PKHD1: variants seen among roughly 807,000 people sequenced by gnomAD.
The protein encoded by PKHD1 is fibrocystin.
A neutral mutation model predicts 412.0 loss-of-function variants in PKHD1; 291 were observed. The observed-to-expected ratio is 0.71, with a 90% CI of 0.64 to 0.78. The LOEUF (loss-of-function observed/expected upper bound fraction) is 0.78. Ranked by LOEUF, PKHD1 falls within the 30% of genes least tolerant of loss-of-function variation. The pLI is 0.00. For missense variants in PKHD1, 4,825 were observed against 4,950.7 expected, an observed-to-expected ratio of 0.97 and a Z score of 0.76; for synonymous variants, 1,777 against 1,821.5, an observed-to-expected ratio of 0.98 and a Z score of 0.62.
At chr6:52,033,680 G>C (rs373157693) in intron 28 of PKHD1, among the ~76,000 whole-genome samples, 1 of 151,598 alleles carries the variant, frequency 6.6e-6, no homozygotes, top group African/African-American at 2.4e-5. Flanking sequence ...GACTACTCAA[G>C]AAAGCAATCA....
intron 30 of PKHD1, 99 bp from the exon 31 acceptor site, chr6:52,027,995 T>C: frequency 8.6e-7 from 1 of 1,163,686 alleles, no homozygotes; most frequent in East Asian, 2.3e-5. Context: ...AAGAGCAAAC[T>C]GTCTGTAAGT....
At chr6:51,737,533 G>A (rs1784006321) in intron 60 of PKHD1, among the ~76,000 whole-genome samples, 1 of 152,108 alleles carries the variant, frequency 6.6e-6, no homozygotes. Flanking sequence ...AAGCAAGTAT[G>A]TTTATATCTG....
chr6:51,745,999 T>C (rs1785143332), intron 59 of PKHD1, among the ~76,000 whole-genome samples: 1 of 145,878 alleles, frequency 6.9e-6, no homozygotes, highest in African/African-American at 2.6e-5. Flanking sequence ...GTTTTTTGCT[T>C]TGTTTTTTTT....
intron 60 of PKHD1, among the ~76,000 whole-genome samples, chr6:51,695,733 T>C (rs952763199): frequency 1.3e-5 from 2 of 152,234 alleles, no homozygotes; most frequent in African/African-American, 4.8e-5. Flanking sequence ...CATGGATATA[T>C]GTGAATATCT....
At chr6:51,909,100 A>G (rs1376367557) in intron 40 of PKHD1, among the ~76,000 whole-genome samples, 183 bp downstream of exon 40, 1 of 152,172 alleles carries the variant, frequency 6.6e-6, no homozygotes, top group Non-Finnish European at 1.5e-5. Flanking sequence ...CTGAATTTTA[A>G]TAAGCTCCAC....
chr6:51,778,149 T>A (rs1393128239), intron 53 of PKHD1, among the ~76,000 whole-genome samples: 1 of 152,072 alleles, frequency 6.6e-6, no homozygotes, highest in Non-Finnish European at 1.5e-5. Context: ...GGTGAGGTGC[T>A]CTCTCCAGCG....
chr6:51,985,905 T>C (rs1796152530), intron 35 of PKHD1, among the ~76,000 whole-genome samples: 1 of 152,186 alleles, frequency 6.6e-6, no homozygotes, highest in South Asian at 2.1e-4. Context: ...TTTCTAGAAG[T>C]TATACAATGG....
chr6:51,998,186 G>C (rs139850358), intron 35 of PKHD1, among the ~76,000 whole-genome samples: 1 of 151,802 alleles, frequency 6.6e-6, no homozygotes, highest in South Asian at 2.1e-4. Context: ...TGTTGAGGAC[G>C]TATGTTCAGC....
intron 29 of PKHD1, among the ~76,000 whole-genome samples, chr6:52,031,647 C>T (rs1803047927): frequency 6.6e-6 from 1 of 152,176 alleles, no homozygotes. Context: ...CAGCACTCCC[C>T]ATCCTTGGTC....
intron 64 of PKHD1, among the ~76,000 whole-genome samples, chr6:51,635,861 G>T (rs1156992827): frequency 8.3e-6 from 1 of 119,992 alleles, no homozygotes; most frequent in Admixed American, 8.1e-5. Flanking sequence ...GTGAAGGTGG[G>T]GGGGGGCGGG....
chr6:51,806,391 T>C (rs1178797549), intron 52 of PKHD1, among the ~76,000 whole-genome samples: 2 of 152,104 alleles, frequency 1.3e-5, no homozygotes, highest in Non-Finnish European at 2.9e-5. Context: ...GAGTGGAAGA[T>C]GGTGCCATGT....
At chr6:51,868,158 A>G (rs1470592199) in intron 47 of PKHD1, 49 bp from the exon 48 acceptor site, 1 of 1,442,762 alleles carries the variant, frequency 6.9e-7, no homozygotes, top group Non-Finnish European at 9.8e-7. Context: ...ACAAATAGCA[A>G]CTAAATTCAC....
chr6:51,749,221 A>G (rs1301187936), intron 57 of PKHD1, among the ~76,000 whole-genome samples: 2 of 152,226 alleles, frequency 1.3e-5, no homozygotes, highest in African/African-American at 4.8e-5. Flanking sequence ...AAAACATGGT[A>G]GGAGCAATAA....
At chr6:51,932,838 T>C (rs544725984) in intron 37 of PKHD1, among the ~76,000 whole-genome samples, 2 of 152,282 alleles carry the variant, frequency 1.3e-5, no homozygotes, top group East Asian at 3.9e-4. Flanking sequence ...CTTGCTTCCT[T>C]TCATAGTAAG....
intron 36 of PKHD1, among the ~76,000 whole-genome samples, chr6:51,949,235 C>G (rs899512829): frequency 1.3e-5 from 2 of 152,126 alleles, no homozygotes; most frequent in African/African-American, 4.8e-5. Context: ...AATTTAGCAG[C>G]CTATATATTC....
intron 62 of PKHD1, 145 bp from the exon 63 acceptor site, chr6:51,648,263 C>T: frequency 1.6e-6 from 1 of 614,284 alleles, no homozygotes; most frequent in Non-Finnish European, 2.9e-6. Flanking sequence ...AAATAAATGT[C>T]TTTCTCATGT....
At chr6:51,963,366 T>C (rs1473246396) in intron 35 of PKHD1, among the ~76,000 whole-genome samples, 1 of 152,154 alleles carries the variant, frequency 6.6e-6, no homozygotes, top group East Asian at 1.9e-4. Flanking sequence ...TAAGTTTCCT[T>C]GTGCCCTGAA....
At chr6:51,635,654 A>G (rs944621119) in intron 64 of PKHD1, among the ~76,000 whole-genome samples, 2 of 152,122 alleles carry the variant, frequency 1.3e-5, no homozygotes, top group Non-Finnish European at 2.9e-5. Context: ...AAGTGAGTTT[A>G]TAAGACACAG....
chr6:52,057,640 C>G (rs1807967190), intron 16 of PKHD1, among the ~76,000 whole-genome samples: 1 of 152,218 alleles, frequency 6.6e-6, no homozygotes, highest in Non-Finnish European at 1.5e-5. Context: ...TGGTCTCGAT[C>G]ACTTGACCTT....
Sources: gnomAD v4.1 joint callset for allele counts (sites outside exome capture counted in the v4.1 genomes callset) on GRCh38, gnomAD v4.1.1 for gene constraint, MANE v1.5 for transcripts, NCBI Gene and HGNC (gene_info 2026-07-23, HGNC 2026-07-21) for gene names.